The following ATL2 variants were observed in gnomAD, a reference collection of about 807,000 sequenced individuals.
ATL2 encodes the protein atlastin GTPase 2, also known as atlastin-2.
Under a neutral mutation model 73.9 loss-of-function variants are expected in ATL2, and 31 were observed. The ratio of observed to expected loss-of-function variants is 0.42; its 90% CI spans 0.32 to 0.57. The LOEUF (loss-of-function observed/expected upper bound fraction) is 0.57. Among genes scored for constraint, ATL2 ranks in the 20% least tolerant of loss-of-function variants. The pLI is 0.14. For missense variants in ATL2, 738 were observed against 702.6 expected (o/e 1.05, Z -0.57); for synonymous variants, 291 against 237.5 (o/e 1.23, Z -2.07).
intron 1 of ATL2, among the ~76,000 whole-genome samples, chr2:38,371,198 TAAA>T (rs556240788): frequency 2.1e-5 from 3 of 139,946 alleles, no homozygotes; most frequent in Admixed American, 7.2e-5. Context: ...TCTCTTTAAT[TAAA>T]AAAAAAAAAA....
At chr2:38,310,791 C>A (rs556946456) in intron 7 of ATL2, among the ~76,000 whole-genome samples, 1 of 152,162 alleles carries the variant, frequency 6.6e-6, no homozygotes, top group South Asian at 2.1e-4. Flanking sequence ...GCGTGCACCA[C>A]CATGCCCGGC....
chr2:38,372,123 G>GTTTTTTT (rs371482809), intron 1 of ATL2, among the ~76,000 whole-genome samples: 2 of 125,190 alleles, frequency 1.6e-5, no homozygotes, highest in Non-Finnish European at 3.4e-5. Flanking sequence ...CATGTTAATT[G>GTTTTTTT]TTTTTTTTTT....
chr2:38,363,546 T>C (rs773013414), intron 1 of ATL2, among the ~76,000 whole-genome samples: 1 of 152,244 alleles, frequency 6.6e-6, no homozygotes, highest in African/African-American at 2.4e-5. Flanking sequence ...TTAAATTGCA[T>C]ACCTTTAAAA....
At chr2:38,321,262 A>C (rs1298957813) in intron 2 of ATL2, among the ~76,000 whole-genome samples, 1 of 152,206 alleles carries the variant, frequency 6.6e-6, no homozygotes, top group Non-Finnish European at 1.5e-5. Flanking sequence ...TATTATTATT[A>C]TTCCACAAAA....
At chr2:38,325,801 C>T (rs1668624242) in intron 2 of ATL2, among the ~76,000 whole-genome samples, 1 of 145,230 alleles carries the variant, frequency 6.9e-6, no homozygotes, top group Non-Finnish European at 1.5e-5. Flanking sequence ...GAGAAAACTA[C>T]TTTACCAGAG....
intron 1 of ATL2, among the ~76,000 whole-genome samples, chr2:38,347,170 C>T (rs370538228): frequency 6.6e-6 from 1 of 152,162 alleles, no homozygotes; most frequent in African/African-American, 2.4e-5. Flanking sequence ...AAGAAGAAAG[C>T]CCTTAAATAC....
intron 9 of ATL2, among the ~76,000 whole-genome samples, chr2:38,301,511 C>T (rs1228312138): frequency 6.6e-6 from 1 of 152,196 alleles, no homozygotes; most frequent in Non-Finnish European, 1.5e-5. Flanking sequence ...ATCACCTACA[C>T]CACCCCTCCC....
chr2:38,367,891 C>T (rs1340881029), intron 1 of ATL2, among the ~76,000 whole-genome samples: 1 of 151,332 alleles, frequency 6.6e-6, no homozygotes, highest in Non-Finnish European at 1.5e-5. Context: ...CCTTGGCCTC[C>T]TAAAGTGCTG....
Position 38,318,870 on chromosome 2 carries a change from T to C in ATL2, c.498+15A>G, listed in dbSNP as rs781778181. 4 of 1,608,860 alleles carry C rather than the reference T, an allele frequency of 2.5e-6. No homozygotes were observed. In the South Asian group the frequency reaches 3.3e-5, roughly 13 times the overall value. ...AGAAAGAATACAGGGTAGAAAAGTA[T>C]AAACAGAATTTTACTTTAGTTCCAT... On this transcript the variant is annotated intron_variant, in intron 3 of 12. Coordinates refer to ENST00000378954, the MANE Select transcript of ATL2 (RefSeq NM_001135673.4).
intron 2 of ATL2, among the ~76,000 whole-genome samples, chr2:38,328,370 A>G (rs1668787107): frequency 6.6e-6 from 1 of 152,204 alleles, no homozygotes; most frequent in Non-Finnish European, 1.5e-5. Context: ...ACAGCACAAT[A>G]CATACTCTTC....
chr2:38,301,644 C>T (rs190535632), intron 9 of ATL2, among the ~76,000 whole-genome samples: 1 of 152,328 alleles, frequency 6.6e-6, no homozygotes. Flanking sequence ...GTGGAAAGAA[C>T]TCAGCCAGCA....
chr2:38,366,358 T>C (rs1481484261), intron 1 of ATL2, among the ~76,000 whole-genome samples: 1 of 152,220 alleles, frequency 6.6e-6, no homozygotes, highest in Admixed American at 6.5e-5. Context: ...ATAGCCCCAT[T>C]CCTTTTTTTA....
At chr2:38,312,909 G>T (rs1186157147) in intron 7 of ATL2, among the ~76,000 whole-genome samples, 1 of 152,034 alleles carries the variant, frequency 6.6e-6, no homozygotes, top group African/African-American at 2.4e-5. Context: ...GTACTTCCAT[G>T]GGGGGCTACC....
chr2:38,343,153 A>T, intron 2 of ATL2, 115 bp downstream of exon 2: 20 of 226,942 alleles, frequency 8.8e-5, no homozygotes, highest in South Asian at 4.5e-4. Flanking sequence ...TTAAATTAAA[A>T]AAAAAAAAAA....
Position 38,377,158 on chromosome 2 carries a change from A to T in ATL2, c.103T>A (p.Ser35Thr). 1.9e-6 allele frequency: 3 copies of T among 1,610,596 alleles called. No homozygotes were observed. The highest frequency in any genetic ancestry group is 2.5e-6 in the Non-Finnish European group (3 of 1,179,380). Residue 35 changes from serine (S) to threonine (T), a missense_variant, in exon 1 of 13, where the codon TCC (serine) becomes ACC (threonine). Transcript: ENST00000378954. ...DPSAAVNHVS[S>T]TTSLGENYED... is the part of the protein sequence containing the mutation. ...TGGCCCGTACCTAGGGAGGTCGTGGACGAGACGTGGTTAACCGCGGCGCTT... is the reference window on the plus strand; with the variant it reads ...TGGCCCGTACCTAGGGAGGTCGTGGTCGAGACGTGGTTAACCGCGGCGCTT...
At chr2:38,299,971 G>A (rs931908919) in intron 10 of ATL2, among the ~76,000 whole-genome samples, 2 of 152,096 alleles carry the variant, frequency 1.3e-5, no homozygotes, top group African/African-American at 4.8e-5. Context: ...GCTTAGTTCA[G>A]AGAGGCCCAC....
intron 1 of ATL2, among the ~76,000 whole-genome samples, chr2:38,350,006 A>T (rs1310298878): frequency 6.6e-6 from 1 of 152,206 alleles, no homozygotes; most frequent in Non-Finnish European, 1.5e-5. Flanking sequence ...TCAAACACTG[A>T]TATAAGCAAA....
chr2:38,325,669 C>T (rs1422589023), intron 2 of ATL2, among the ~76,000 whole-genome samples: 5 of 63,622 alleles, frequency 7.9e-5, no homozygotes, highest in East Asian at 9.9e-4. Flanking sequence ...AGTACACACA[C>T]ACACACACAC....
rs1241556972 is a variant in ATL2, at chr2:38,295,843, A to G, written c.*151T>C. On this transcript the variant is annotated 3_prime_UTR_variant, in exon 13 of 13. Transcript: ENST00000378954. Reference sequence around the variant, plus strand: ...AAAGAATGCTTAAAACTAACAAACAATCTTCACACTCTGTGGCAGCCATCT... The same window carrying G: ...AAAGAATGCTTAAAACTAACAAACAGTCTTCACACTCTGTGGCAGCCATCT... 3 of 631,324 alleles carry G rather than the reference A, an allele frequency of 4.8e-6. No homozygotes were observed. In the African/African-American group the frequency reaches 5.6e-5, roughly 12 times the overall value. The allele number at this position is 631,324 out of a possible 1,614,324, so 39.1% of individuals were successfully genotyped here.
Sources: allele counts gnomAD v4.1 joint callset (sites outside exome capture counted in the v4.1 genomes callset), GRCh38; gene constraint gnomAD v4.1.1; transcripts MANE v1.5; gene names NCBI Gene and HGNC (gene_info 2026-07-23, HGNC 2026-07-21).